The following WDPCP variants were observed in gnomAD, a reference collection of about 807,000 sequenced individuals.
The protein encoded by WDPCP is WD repeat-containing and planar cell polarity effector protein fritz homolog.
Under a neutral mutation model 93.1 loss-of-function variants are expected in WDPCP, and 71 were observed. The observed-to-expected ratio is 0.76, with a 90% CI of 0.63 to 0.93. The LOEUF (loss-of-function observed/expected upper bound fraction) is 0.93, where lower values mean the gene tolerates loss of function less well. Among genes scored for constraint, WDPCP ranks in the 40% least tolerant of loss-of-function variants. The probability of loss-of-function intolerance (pLI) is 0.00; values close to 1 mark genes in which losing one functional copy is unlikely to be tolerated. For synonymous variants in WDPCP, 315 were observed against 315.0 expected, an observed-to-expected ratio of 1.00 and a Z score of 0.00; for missense variants, 844 against 887.4, an observed-to-expected ratio of 0.95 and a Z score of 0.62.
chr2:63,144,578 G>A (rs1024871299), intron 17 of WDPCP, among the ~76,000 whole-genome samples: 6 of 152,288 alleles, frequency 3.9e-5, no homozygotes, highest in Non-Finnish European at 8.8e-5. Context: ...CTAAAAGTGT[G>A]TCCAAAGTTT....
chr2:63,798,918 C>T (rs533490955), intron 2 of WDPCP, among the ~76,000 whole-genome samples: 13 of 152,028 alleles, frequency 8.6e-5, no homozygotes, highest in Admixed American at 5.9e-4. Context: ...CAAACAGATT[C>T]GGAGTAGCTA....
intron 2 of WDPCP, among the ~76,000 whole-genome samples, chr2:63,707,899 C>A (rs567144907): frequency 6.6e-6 from 1 of 152,328 alleles, no homozygotes; most frequent in South Asian, 2.1e-4. Flanking sequence ...CCACTCCAGA[C>A]CCTGTTTGCC....
At chr2:63,470,554 A>G (rs1286472702) in intron 6 of WDPCP, among the ~76,000 whole-genome samples, 1 of 152,074 alleles carries the variant, frequency 6.6e-6, no homozygotes, top group Non-Finnish European at 1.5e-5. Context: ...CACTGCTATC[A>G]TCCAGTCAAA....
intron 1 of WDPCP, among the ~76,000 whole-genome samples, chr2:63,545,370 G>A (rs908443715): frequency 1.3e-5 from 2 of 151,240 alleles, no homozygotes; most frequent in Non-Finnish European, 1.5e-5. Flanking sequence ...AGAGAGGAGG[G>A]AGAGAAAGAG....
intron 9 of WDPCP, among the ~76,000 whole-genome samples, chr2:63,429,974 TATAC>T (rs1696610321): frequency 9.2e-6 from 1 of 108,190 alleles, no homozygotes; most frequent in Non-Finnish European, 1.9e-5. Flanking sequence ...AAGAAAATGT[TATAC>T]ACACACACAC....
chr2:63,345,896 A>C (rs531318125), intron 12 of WDPCP, among the ~76,000 whole-genome samples: 2 of 152,272 alleles, frequency 1.3e-5, no homozygotes, highest in South Asian at 4.2e-4. Flanking sequence ...CAGGCTGATA[A>C]CTACAGTCAA....
rs1027549109 is a variant in WDPCP, at chr2:63,439,889, G to A, written c.385-18C>T. ...AAAAGGAGCTAAAACCAGGTAAGTGGGGGAGAGAGGGAGGAAGACATGCTG... is the reference window on the plus strand; with the variant it reads ...AAAAGGAGCTAAAACCAGGTAAGTGAGGGAGAGAGGGAGGAAGACATGCTG... On this transcript the variant is annotated intron_variant, in intron 6 of 17. Transcript: ENST00000272321. The A allele has an allele frequency of 1.3e-6, 2 of 1,582,122 alleles. No homozygotes were observed. Among genetic ancestry groups the A allele is most frequent in the Non-Finnish European group, 1.7e-6 (2 of 1,151,192 alleles).
At chr2:63,616,693 A>G (rs142784696) in intron 3 of WDPCP, among the ~76,000 whole-genome samples, 109 of 152,334 alleles carry the variant, frequency 7.2e-4, no homozygotes, top group Non-Finnish European at 1.2e-3. Flanking sequence ...GAATGCAAAT[A>G]AGTAGCATTA....
chr2:63,295,880 CAAAAAAAAAAA>C lies in WDPCP; in HGVS notation c.1812+17357_1812+17367del, dbSNP rs59418675. 6.1e-5 allele frequency among the ~76,000 whole-genome samples: 7 copies of C among 115,254 alleles called. 1 individual carries two copies. The South Asian group carries it at 8.5e-4, about 14-fold the overall frequency. 75.6% of individuals were successfully genotyped at this position (115,254 alleles called of 152,430 possible). A position where few individuals can be genotyped will look rare whatever the true frequency, so the allele number is the denominator to read the frequency against. On this transcript the variant is annotated intron_variant, in intron 13 of 17. Transcript: ENST00000272321. The stretch of plus-strand genomic sequence containing the variant: ...GGTACCAAACTTAGTGAAACTATTC[CAAAAAAAAAAA>C]AAAAAAAAAAAAATCAAGTTGGAAG...
intron 17 of WDPCP, among the ~76,000 whole-genome samples, chr2:63,133,431 G>T (rs1203141530): frequency 1.3e-5 from 2 of 152,118 alleles, no homozygotes; most frequent in Non-Finnish European, 2.9e-5. Flanking sequence ...GTTCGTTTTG[G>T]TTCAAGGGAT....
intron 12 of WDPCP, among the ~76,000 whole-genome samples, chr2:63,318,867 C>A (rs773314038): frequency 2.6e-5 from 4 of 152,032 alleles, no homozygotes; most frequent in Admixed American, 1.3e-4. Context: ...GTACACCAGA[C>A]CCCCATGACA....
intron 2 of WDPCP, among the ~76,000 whole-genome samples, chr2:63,769,319 G>A (rs1670191156): frequency 6.6e-6 from 1 of 152,048 alleles, no homozygotes; most frequent in Non-Finnish European, 1.5e-5. Context: ...ACTTCTGTGG[G>A]TAGGAAATTC....
chr2:63,179,838 T>C (rs1428080986), intron 14 of WDPCP, among the ~76,000 whole-genome samples: 2 of 152,208 alleles, frequency 1.3e-5, no homozygotes, highest in African/African-American at 4.8e-5. Context: ...ATGTGTAGTG[T>C]CATTTCACTG....
At chr2:63,185,580 C>G (rs115202447) in intron 14 of WDPCP, among the ~76,000 whole-genome samples, 5,619 of 152,242 alleles carry the variant, frequency 0.037, 153 homozygotes, top group Non-Finnish European at 0.057. Context: ...GGCAGGTGAG[C>G]AGGCGCATGA....
intron 3 of WDPCP, among the ~76,000 whole-genome samples, chr2:63,627,866 G>C (rs745506453): frequency 1.1e-4 from 16 of 152,226 alleles, no homozygotes; most frequent in Non-Finnish European, 1.8e-4. Flanking sequence ...AGATGCTAAA[G>C]GCTGTCACAC....
At chr2:63,611,403 C>T (rs1371186497) in intron 3 of WDPCP, among the ~76,000 whole-genome samples, 1 of 152,056 alleles carries the variant, frequency 6.6e-6, no homozygotes, top group African/African-American at 2.4e-5. Context: ...ATTATATGTA[C>T]ATTTAATACC....
At chr2:63,471,744 C>CAG (rs1699703209) in intron 6 of WDPCP, among the ~76,000 whole-genome samples, 1 of 152,194 alleles carries the variant, frequency 6.6e-6, no homozygotes, top group South Asian at 2.1e-4. Flanking sequence ...GACTAAGGCA[C>CAG]AGTCATTCTA....
At chr2:63,310,550 G>C (rs2103910589) in intron 13 of WDPCP, among the ~76,000 whole-genome samples, 1 of 152,130 alleles carries the variant, frequency 6.6e-6, no homozygotes, top group East Asian at 1.9e-4. Flanking sequence ...AATTTTATGT[G>C]ACATCAAATT....
At chr2:63,184,833 C>T (rs1476661265) in intron 14 of WDPCP, among the ~76,000 whole-genome samples, 5 of 152,112 alleles carry the variant, frequency 3.3e-5, no homozygotes, top group African/African-American at 1.2e-4. Context: ...TTTCTTCCCC[C>T]TCAGGAACAC....
Sources: gnomAD v4.1 joint callset for allele counts (sites outside exome capture counted in the v4.1 genomes callset) on GRCh38, gnomAD v4.1.1 for gene constraint, MANE v1.5 for transcripts, NCBI Gene and HGNC (gene_info 2026-07-23, HGNC 2026-07-21) for gene names.